The following SP140 variants were observed in gnomAD, a reference collection of about 807,000 sequenced individuals.
SP140 encodes the protein SP140 nuclear body protein.
SP140 carries 81 observed loss-of-function variants against 125.0 expected under a neutral mutation model. The ratio of observed to expected loss-of-function variants is 0.65; its 90% CI spans 0.54 to 0.78. The LOEUF is 0.78. SP140 is among the 30% of genes least tolerant of loss of function. The probability of loss-of-function intolerance (pLI) is 0.00; values close to 1 mark genes in which losing one functional copy is unlikely to be tolerated. For synonymous variants in SP140, 312 were observed against 354.0 expected (o/e 0.88, Z 1.33); for missense variants, 858 against 1,037.0 (o/e 0.83, Z 2.37).
chr2:230,194,790 T>C, the SP140 span, among the ~76,000 whole-genome samples: 1 of 152,200 alleles, frequency 6.6e-6, no homozygotes, highest in African/African-American at 2.4e-5. Flanking sequence ...AATCTCAAAA[T>C]TGTCTGATGC....
intron 22 of SP140, among the ~76,000 whole-genome samples, chr2:230,303,758 A>G (rs1471240060): frequency 6.6e-6 from 1 of 152,236 alleles, no homozygotes; most frequent in Non-Finnish European, 1.5e-5. Context: ...GACATACCTT[A>G]AGGTAATAAA....
At chr2:230,238,653 C>T (rs2048307377) in intron 3 of SP140, 1 of 957,950 alleles carries the variant, frequency 1.0e-6, no homozygotes, top group African/African-American at 1.6e-5. Flanking sequence ...GTTGAAGTCT[C>T]TATTTTTTTG....
In SP140 at chr2:230,288,455, A is replaced by ATCTTTCTTTCTTTCTT. The variant is rs34638665; in HGVS notation, c.1720+543_1720+558dup. On this transcript the variant is annotated intron_variant, in intron 18 of 26. Transcript: ENST00000392045. Reference sequence around the variant, plus strand: ...AGCAAGAGCATGAATTAGGCCAACTATCTTTCTTTCTTTCTTTCTTTCTTT... The same window carrying ATCTTTCTTTCTTTCTT: ...AGCAAGAGCATGAATTAGGCCAACTATCTTTCTTTCTTTCTTTCTTTCTTTCTTTCTTTCTTTCTTT... 2.5e-3 allele frequency among the ~76,000 whole-genome samples: 305 copies of ATCTTTCTTTCTTTCTT among 123,622 alleles called. 7 individuals carry two copies. The highest frequency in any genetic ancestry group is 3.7e-3 in the Non-Finnish European group (215 of 58,602). The allele number at this position is 123,622 out of a possible 152,430, so 81.1% of individuals were successfully genotyped here. A position where few individuals can be genotyped will look rare whatever the true frequency, so the allele number is the denominator to read the frequency against.
chr2:230,292,921 A>C (rs1009854504), intron 20 of SP140, 133 bp downstream of exon 20: 45 of 1,303,932 alleles, frequency 3.5e-5, no homozygotes, highest in Non-Finnish European at 4.4e-5. Flanking sequence ...CTCACTCAGG[A>C]GAGAGGGACC....
upstream of SP140, among the ~76,000 whole-genome samples, chr2:230,224,450 A>AGAGGGAGAGGGAGGGAGAGG: frequency 1.2e-5 from 1 of 81,292 alleles, no homozygotes; most frequent in Non-Finnish European, 2.3e-5. Context: ...GGAGGGAGAG[A>AGAGGGAGAGGGAGGGAGAGG]GAGGGAGAGG....
At chr2:230,235,952 C>T (rs2047935124) in intron 1 of SP140, among the ~76,000 whole-genome samples, 1 of 143,138 alleles carries the variant, frequency 7.0e-6, no homozygotes, top group African/African-American at 2.6e-5. Context: ...TCTCAGCTCA[C>T]TGCAAGCTCC....
rs759632691 is a variant in SP140 at position 230,270,613 on chromosome 2, C to G, written c.1472C>G (p.Thr491Ser). Reference protein sequence around the residue: ...MDTVDIANNSTLGKPKRKRRK... With the variant: ...MDTVDIANNSSLGKPKRKRRK... ...ACTGTGGATATTGCAAACAACTCCACTTTGGGAAAACCCAAGAGGAAAAGA... is the reference window on the plus strand; with the variant it reads ...ACTGTGGATATTGCAAACAACTCCAGTTTGGGAAAACCCAAGAGGAAAAGA... The change falls in exon 15 of 27, where the codon ACT (threonine) becomes AGT (serine). Residue 491 changes from threonine (T) to serine (S), a missense_variant. Physicochemically the swap from Thr to Ser is moderately conservative, Grantham distance 58. Coordinates refer to ENST00000392045, the MANE Select transcript of SP140 (RefSeq NM_007237.5). The G allele has an allele frequency of 6.2e-7, 1 of 1,610,086 alleles. No homozygotes were observed. Among genetic ancestry groups the G allele is most frequent in the Non-Finnish European group, 8.5e-7 (1 of 1,178,314 alleles).
At chr2:230,271,882 CA>C (rs1392026736) in intron 15 of SP140, among the ~76,000 whole-genome samples, 2 of 152,032 alleles carry the variant, frequency 1.3e-5, no homozygotes, top group Non-Finnish European at 2.9e-5. Context: ...TATACATTCA[CA>C]AAAAAAGTTA....
At chr2:230,196,052 AT>A in the SP140 span, among the ~76,000 whole-genome samples, 76 of 152,358 alleles carry the variant, frequency 5.0e-4, no homozygotes, top group African/African-American at 1.8e-3. Flanking sequence ...ATACCTAAAC[AT>A]TTAAAAAGTT....
chr2:230,201,673 TTG>T, upstream of SP140, among the ~76,000 whole-genome samples: 1 of 152,366 alleles, frequency 6.6e-6, no homozygotes, highest in South Asian at 2.1e-4. Context: ...AAGAAAACAC[TTG>T]TGTGATTGAG....
chr2:230,260,175 A>C (rs558013684), intron 12 of SP140, among the ~76,000 whole-genome samples: 3 of 152,124 alleles, frequency 2.0e-5, no homozygotes, highest in Admixed American at 2.0e-4. Flanking sequence ...TTTGATTTGC[A>C]TTTCCCTGAT....
intron 3 of SP140, among the ~76,000 whole-genome samples, chr2:230,239,450 T>C (rs2048416704): frequency 6.6e-6 from 1 of 152,142 alleles, no homozygotes; most frequent in African/African-American, 2.4e-5. Flanking sequence ...TATTGTTATT[T>C]TATTTATTTA....
chr2:230,292,191 C>T (rs1399849707), intron 19 of SP140, among the ~76,000 whole-genome samples: 4 of 152,256 alleles, frequency 2.6e-5, no homozygotes, highest in Middle Eastern at 3.4e-3. Flanking sequence ...GCAGATGTTG[C>T]GGGAGTGACC....
intron 21 of SP140, among the ~76,000 whole-genome samples, chr2:230,296,426 G>C (rs750990263): frequency 2.0e-5 from 3 of 152,150 alleles, no homozygotes; most frequent in Non-Finnish European, 2.9e-5. Flanking sequence ...GAGGCTGCTT[G>C]TATCCCAGAA....
chr2:230,219,996 C>T (rs201838369), intron 3 of SP140: 5 of 985,572 alleles, frequency 5.1e-6, no homozygotes, highest in Non-Finnish European at 6.0e-6. Flanking sequence ...CTTTGACAAA[C>T]GCAGTAAGGG....
intron 1 of SP140, among the ~76,000 whole-genome samples, chr2:230,235,637 A>G (rs1357400163): frequency 3.9e-5 from 6 of 152,194 alleles, no homozygotes; most frequent in Non-Finnish European, 5.9e-5. Context: ...GGAAGTCTTC[A>G]TACCGTTTAG....
chr2:230,270,767 T>C, intron 15 of SP140, 128 bp downstream of exon 15: 1 of 883,552 alleles, frequency 1.1e-6, no homozygotes, highest in Middle Eastern at 2.2e-4. Flanking sequence ...AAGGATGACC[T>C]CCCTAAGATG....
chr2:230,217,855 G>A (rs558673607), intron 3 of SP140, among the ~76,000 whole-genome samples: 15 of 152,294 alleles, frequency 9.8e-5, no homozygotes, highest in African/African-American at 3.6e-4. Context: ...GAGTTCAGCT[G>A]GAAACCTGGT....
chr2:230,240,375 A>G (rs1321392974), intron 3 of SP140, among the ~76,000 whole-genome samples: 5 of 152,238 alleles, frequency 3.3e-5, no homozygotes, highest in African/African-American at 9.6e-5. Context: ...AAAGGAAAAA[A>G]CAAGCCATAG....
Sources: allele counts gnomAD v4.1 joint callset (sites outside exome capture counted in the v4.1 genomes callset), GRCh38; gene constraint gnomAD v4.1.1; transcripts MANE v1.5; gene names NCBI Gene and HGNC (gene_info 2026-07-23, HGNC 2026-07-21).